OTOGL: variants seen among roughly 807,000 people sequenced by gnomAD.
OTOGL encodes the protein otogelin-like protein.
Under a neutral mutation model 318.5 loss-of-function variants are expected in OTOGL, and 285 were observed. The ratio of observed to expected loss-of-function variants is 0.89; its 90% CI spans 0.81 to 0.99. The LOEUF (loss-of-function observed/expected upper bound fraction) is 0.99. Among genes scored for constraint, OTOGL ranks in the 50% least tolerant of loss-of-function variants. The probability of loss-of-function intolerance (pLI) is 0.00; values close to 1 mark genes in which losing one functional copy is unlikely to be tolerated. For missense variants in OTOGL, 2,899 were observed against 2,845.6 expected, an observed-to-expected ratio of 1.02 and a Z score of -0.43; for synonymous variants, 987 against 936.5, an observed-to-expected ratio of 1.05 and a Z score of -0.99.
chr12:80,101,677 GT>G (rs200494209), intron 1 of OTOGL, among the ~76,000 whole-genome samples: 5 of 151,958 alleles, frequency 3.3e-5, no homozygotes, highest in South Asian at 4.2e-4. Flanking sequence ...TGTAAAAGCA[GT>G]TTTTTTTAAA....
chr12:80,175,343 T>C (rs907525267), intron 1 of OTOGL, among the ~76,000 whole-genome samples: 3 of 152,206 alleles, frequency 2.0e-5, no homozygotes, highest in African/African-American at 7.2e-5. Context: ...AATAGTGGCA[T>C]ATTAAGATGA....
At chr12:80,161,153 A>G (rs1162929359) in intron 1 of OTOGL, among the ~76,000 whole-genome samples, 1 of 152,034 alleles carries the variant, frequency 6.6e-6, no homozygotes, top group Non-Finnish European at 1.5e-5. Flanking sequence ...GGTGATGGGT[A>G]TACCAGAATC....
At chr12:80,368,339 C>A in intron 55 of OTOGL, 30 bp downstream of exon 55, 1 of 1,504,076 alleles carries the variant, frequency 6.6e-7, no homozygotes, top group Non-Finnish European at 9.1e-7. Context: ...ATGCTCTGTG[C>A]TATTTTCTGA....
intron 35 of OTOGL, among the ~76,000 whole-genome samples, chr12:80,327,999 CA>C (rs745678404): frequency 3.5e-5 from 4 of 114,964 alleles, no homozygotes; most frequent in Non-Finnish European, 7.1e-5. Context: ...TGGAAAGCAA[CA>C]GTACAATCAA....
chr12:80,114,389 T>C (rs1870030317), intron 1 of OTOGL, among the ~76,000 whole-genome samples: 1 of 152,214 alleles, frequency 6.6e-6, no homozygotes, highest in African/African-American at 2.4e-5. Flanking sequence ...TTTGGCTGGA[T>C]ATGAAATTCT....
intron 5 of OTOGL, among the ~76,000 whole-genome samples, chr12:80,218,538 A>G (rs953206542): frequency 6.6e-6 from 1 of 152,072 alleles, no homozygotes; most frequent in African/African-American, 2.4e-5. Context: ...GAGTTTTGCC[A>G]GTTGCCTCTT....
chr12:80,331,152 C>G (rs1233845089), intron 37 of OTOGL, among the ~76,000 whole-genome samples: 1 of 152,058 alleles, frequency 6.6e-6, no homozygotes, highest in Non-Finnish European at 1.5e-5. Flanking sequence ...ATAGCCAAAA[C>G]AGTCTTGAAA....
chr12:80,349,391 T>C (rs956913064), intron 44 of OTOGL, among the ~76,000 whole-genome samples: 1 of 152,180 alleles, frequency 6.6e-6, no homozygotes, highest in Non-Finnish European at 1.5e-5. Context: ...AAAGAAGGTT[T>C]AAATGCCCCA....
At chr12:80,104,263 TC>T (rs887781414) in intron 1 of OTOGL, among the ~76,000 whole-genome samples, 1 of 152,270 alleles carries the variant, frequency 6.6e-6, no homozygotes, top group Non-Finnish European at 1.5e-5. Context: ...GTGAGAAACA[TC>T]CCAATCTCAC....
intron 1 of OTOGL, among the ~76,000 whole-genome samples, chr12:80,138,276 G>A (rs1871706634): frequency 6.6e-6 from 1 of 152,002 alleles, no homozygotes; most frequent in Non-Finnish European, 1.5e-5. Context: ...CCAATTGGTT[G>A]ATACGATAAT....
At chr12:80,249,851 G>T (rs1881338427) in intron 11 of OTOGL, among the ~76,000 whole-genome samples, 1 of 152,168 alleles carries the variant, frequency 6.6e-6, no homozygotes, top group Admixed American at 6.5e-5. Context: ...AGGCAGGTGT[G>T]GGATATAGTC....
chr12:80,124,056 G>T (rs1277898531), intron 1 of OTOGL, among the ~76,000 whole-genome samples: 1 of 152,118 alleles, frequency 6.6e-6, no homozygotes, highest in Non-Finnish European at 1.5e-5. Context: ...GATCCCATTT[G>T]TCAATTTGGC....
chr12:80,374,776 A>G (rs10778737), intron 57 of OTOGL, among the ~76,000 whole-genome samples: 129,148 of 151,792 alleles, frequency 0.85, 54,981 homozygotes, highest in South Asian at 0.88. Flanking sequence ...AGTGAGTACA[A>G]TTATGTTATC....
At chr12:80,125,757 T>C (rs1253758958) in intron 1 of OTOGL, among the ~76,000 whole-genome samples, 1 of 152,182 alleles carries the variant, frequency 6.6e-6, no homozygotes, top group Non-Finnish European at 1.5e-5. Flanking sequence ...TCTTCCTGGT[T>C]TAGTCTTCGG....
intron 1 of OTOGL, among the ~76,000 whole-genome samples, chr12:80,186,574 A>G (rs1475970077): frequency 3.3e-5 from 5 of 152,196 alleles, no homozygotes; most frequent in Admixed American, 1.3e-4. Flanking sequence ...CAAATAAAGA[A>G]TAAATGCCTA....
At chr12:80,272,328 A>T (rs566099782) in intron 24 of OTOGL, among the ~76,000 whole-genome samples, 4 of 148,462 alleles carry the variant, frequency 2.7e-5, no homozygotes, top group African/African-American at 1.0e-4. Flanking sequence ...TTTAAGCCTC[A>T]ATTAGGCATT....
At chr12:80,370,711 A>G in intron 56 of OTOGL, 22 bp downstream of exon 56, 1 of 1,480,524 alleles carries the variant, frequency 6.8e-7, no homozygotes. Flanking sequence ...GTTGTATCTA[A>G]GAAAATTTAT....
chr12:80,342,230 A>G, intron 44 of OTOGL, 68 bp downstream of exon 44: 1 of 1,228,684 alleles, frequency 8.1e-7, no homozygotes, highest in Non-Finnish European at 1.1e-6. Context: ...CCAATACGTT[A>G]CTGTTCTTGC....
chr12:80,279,381 A>C (rs1933773230), intron 26 of OTOGL, among the ~76,000 whole-genome samples: 1 of 151,416 alleles, frequency 6.6e-6, no homozygotes, highest in Admixed American at 6.6e-5. Flanking sequence ...TGTACAAAGA[A>C]TTTCATCATG....
Sources: gnomAD v4.1 joint callset for allele counts (sites outside exome capture counted in the v4.1 genomes callset) on GRCh38, gnomAD v4.1.1 for gene constraint, MANE v1.5 for transcripts, NCBI Gene and HGNC (gene_info 2026-07-23, HGNC 2026-07-21) for gene names.